CACNA1C: variants seen among roughly 807,000 people sequenced by gnomAD.
The protein encoded by CACNA1C is calcium voltage-gated channel subunit alpha1 C.
CACNA1C carries 30 observed loss-of-function variants against 229.0 expected under a neutral mutation model. The observed-to-expected ratio is 0.13, with a 90% confidence interval of 0.10 to 0.18. The LOEUF (loss-of-function observed/expected upper bound fraction) is 0.18, where lower values mean the gene tolerates loss of function less well. Ranked by LOEUF, CACNA1C falls within the 10% of genes least tolerant of loss-of-function variation. CACNA1C has a pLI of 1.00. For missense variants in CACNA1C, 1,658 were observed against 2,845.0 expected (o/e 0.58, Z 9.49); for synonymous variants, 1,114 against 1,132.5 (o/e 0.98, Z 0.33).
chr12:2,518,958 G>A (rs968716361), intron 9 of CACNA1C, among the ~76,000 whole-genome samples: 1 of 152,196 alleles, frequency 6.6e-6, no homozygotes, highest in African/African-American at 2.4e-5. Flanking sequence ...GGAGCCCAAG[G>A]TGGGAAACAG....
chr12:2,533,626 C>T (rs940235436), intron 9 of CACNA1C, among the ~76,000 whole-genome samples: 7 of 152,090 alleles, frequency 4.6e-5, no homozygotes, highest in Non-Finnish European at 7.4e-5. Flanking sequence ...CTGGGAGCTT[C>T]GGTGGAGAGG....
chr12:2,091,103 C>T (rs10848611), intron 1 of CACNA1C, among the ~76,000 whole-genome samples: 7 of 152,266 alleles, frequency 4.6e-5, no homozygotes, highest in South Asian at 2.1e-4. Context: ...CCTCAGATAT[C>T]GGGACTGGCT....
At chr12:2,161,786 G>A (rs544195656) in intron 3 of CACNA1C, among the ~76,000 whole-genome samples, 4 of 152,204 alleles carry the variant, frequency 2.6e-5, no homozygotes, top group African/African-American at 9.7e-5. Context: ...GCTGGAGACC[G>A]TATATCAAAC....
Position 2,504,689 on chromosome 12 carries a change from C to A in CACNA1C, c.1114-153C>A. ...CTCTGTTCAACCACAGATTCTGACC[C>A]ATTGGCCAGGCAGGCTGTTTGGCCT... On this transcript the variant is annotated intron_variant, in intron 7 of 46. Coordinates refer to ENST00000399655, the MANE Select transcript of CACNA1C (RefSeq NM_000719.7). This position sits in a 1 kb window ranked among gnomAD's most constrained non-coding sequence, Gnocchi z 6.8. The A allele has an allele frequency of 1.3e-6, 1 of 756,832 alleles. No homozygotes were observed. Among genetic ancestry groups the A allele is most frequent in the Admixed American group, 2.2e-5 (1 of 45,822 alleles). 46.9% of individuals were successfully genotyped at this position (756,832 alleles called of 1,614,324 possible). A position where few individuals can be genotyped will look rare whatever the true frequency, so the allele number is the denominator to read the frequency against.
intron 3 of CACNA1C, among the ~76,000 whole-genome samples, chr12:2,423,438 A>C (rs1335245812): frequency 6.6e-6 from 1 of 152,166 alleles, no homozygotes; most frequent in Non-Finnish European, 1.5e-5. Context: ...TTAATCTCTC[A>C]GTGTCTCAGT....
chr12:2,550,729 C>T lies in CACNA1C; in HGVS notation c.1481+696C>T, dbSNP rs999130057. On this transcript the variant is annotated intron_variant, in intron 10 of 46. Coordinates refer to ENST00000399655, the MANE Select transcript of CACNA1C (RefSeq NM_000719.7). ...CAGGGCGGCATCTCCCTTCCCTCCT[C>T]GTCTGTGGAATGATGGAGAGCCTGG... 20 of 1,209,260 alleles carry T rather than the reference C, an allele frequency of 1.7e-5. 1 individual carries two copies. The Admixed American group carries it at 2.3e-4, about 14-fold the overall frequency. The allele number at this position is 1,209,260 out of a possible 1,614,324, so 74.9% of individuals were successfully genotyped here. A position where few individuals can be genotyped will look rare whatever the true frequency, so the allele number is the denominator to read the frequency against.
intron 3 of CACNA1C, among the ~76,000 whole-genome samples, chr12:2,250,152 G>C (rs1390579983): frequency 6.6e-6 from 1 of 152,180 alleles, no homozygotes; most frequent in African/African-American, 2.4e-5. Flanking sequence ...GGATGCATCA[G>C]TCCATCTCCC....
Position 2,679,531 on chromosome 12 carries a change from C to A in CACNA1C, c.5179C>A (p.Pro1727Thr). The A allele has an allele frequency of 6.2e-7, 1 of 1,613,038 alleles. No homozygotes were observed. Among genetic ancestry groups the A allele is most frequent in the Non-Finnish European group, 8.5e-7 (1 of 1,179,472 alleles). ...CCCCCAGACCTTCACCACTCAGCGC[C>A]CGCTGCACATCAACAAGGCGGGCAG... is the stretch of plus-strand genomic sequence containing the variant. ...AFPQTFTTQRPLHINKAGSSQ... is the reference protein window; with the variant it reads ...AFPQTFTTQRTLHINKAGSSQ... The change falls in exon 42 of 47, where the codon CCG becomes ACG. Residue 1727 changes from proline (P) to threonine (T), a missense_variant. By Grantham distance (38) the Pro-to-Thr change is conservative. This residue lies in a region of CACNA1C where 590 missense variants were observed against 700.8 expected (regional missense o/e 0.84). Transcript: ENST00000399655. This position sits in a 1 kb window ranked among gnomAD's most constrained non-coding sequence, Gnocchi z 5.5.
chr12:2,063,388 G>C (rs1215116982), intron 1 of CACNA1C, among the ~76,000 whole-genome samples: 1 of 152,140 alleles, frequency 6.6e-6, no homozygotes, highest in Non-Finnish European at 1.5e-5. Flanking sequence ...CTGACCTCTT[G>C]ATCCACCCGC....
chr12:2,688,398 G>A, intron 45 of CACNA1C, 49 bp from the exon 46 acceptor site: 6 of 1,576,102 alleles, frequency 3.8e-6, no homozygotes, highest in Non-Finnish European at 5.2e-6. Flanking sequence ...GGCCTGCCTT[G>A]TTTGGGGTCG....
chr12:2,682,759 C>G, intron 43 of CACNA1C, 81 bp downstream of exon 43: 1 of 1,426,830 alleles, frequency 7.0e-7, no homozygotes, highest in Non-Finnish European at 9.5e-7. Flanking sequence ...CCTGAGATCC[C>G]TCCTCTGGGG....
intron 3 of CACNA1C, among the ~76,000 whole-genome samples, chr12:2,434,700 C>T (rs2099117352): frequency 6.6e-6 from 1 of 152,164 alleles, no homozygotes; most frequent in South Asian, 2.1e-4. Context: ...ACACTTTGGA[C>T]TCTGTTTTCT....
chr12:2,552,305 A>G (rs1253424607), intron 10 of CACNA1C, among the ~76,000 whole-genome samples: 2 of 118,248 alleles, frequency 1.7e-5, no homozygotes, highest in East Asian at 3.0e-4. Context: ...GACACTATGC[A>G]AATAAATAGG....
chr12:2,259,716 T>C (rs1028194184), intron 3 of CACNA1C, among the ~76,000 whole-genome samples: 2 of 152,226 alleles, frequency 1.3e-5, no homozygotes, highest in African/African-American at 4.8e-5. Flanking sequence ...TTTCATTTTA[T>C]CAGTAAGAAT....
intron 3 of CACNA1C, among the ~76,000 whole-genome samples, chr12:2,238,878 A>G (rs1409414534): frequency 2.0e-5 from 3 of 152,208 alleles, no homozygotes; most frequent in Non-Finnish European, 4.4e-5. Context: ...TTTGGAGGCC[A>G]GGGATTTTCA....
At chr12:1,993,269 G>A in intron 1 of CACNA1C, 1 of 1,614,070 alleles carries the variant, frequency 6.2e-7, no homozygotes, top group Non-Finnish European at 8.5e-7. Flanking sequence ...CTCACATCTG[G>A]CATTTCTGTA....
intron 1 of CACNA1C, among the ~76,000 whole-genome samples, chr12:2,058,879 T>A (rs1211711375): frequency 6.6e-6 from 1 of 152,160 alleles, no homozygotes; most frequent in Non-Finnish European, 1.5e-5. Flanking sequence ...AGAGCTCTTC[T>A]CTGTGTTTTA....
chr12:2,679,743 C>T lies in CACNA1C; in HGVS notation c.5391C>T (p.Pro1797=). 1 of 1,600,474 alleles carries T rather than the reference C, an allele frequency of 6.2e-7. No homozygotes were observed. The highest frequency in any genetic ancestry group is 1.1e-5 in the South Asian group (1 of 89,162). The change falls in exon 42 of 47, where the codon CCC becomes CCT. Residue 1797 remains proline, a synonymous_variant. Transcript: ENST00000399655. The surrounding 1 kb of genome is among the most constrained non-coding windows in gnomAD (Gnocchi z 5.5). ...TVSTVEGHGP[P]LSPAIRVQEV... ...GCACTGTGGAGGGCCACGGGCCCCC[C>T]TTGTCCCCTGCCATCCGGGTGCAGG...
chr12:2,138,139 G>T (rs987992777), intron 3 of CACNA1C, among the ~76,000 whole-genome samples: 1 of 151,520 alleles, frequency 6.6e-6, no homozygotes, highest in Non-Finnish European at 1.5e-5. Flanking sequence ...CGGGCACACA[G>T]TCAGAAACAT....
Sources: allele counts gnomAD v4.1 joint callset (sites outside exome capture counted in the v4.1 genomes callset), GRCh38; gene constraint gnomAD v4.1.1; regional missense constraint gnomAD v4.1.1; non-coding constraint Gnocchi (gnomAD v3.1); transcripts MANE v1.5; gene names NCBI Gene and HGNC (gene_info 2026-07-23, HGNC 2026-07-21).